The following TMEM187 variants were observed in gnomAD, a reference collection of about 807,000 sequenced individuals.
TMEM187 encodes the protein chromosome X open reading frame 12.
A neutral mutation model predicts 11.8 loss-of-function variants in TMEM187; 14 were observed. That is an observed-to-expected ratio of 1.18 (90% CI 0.78 to 1.85). The LOEUF (loss-of-function observed/expected upper bound fraction) is 1.85, where lower values mean the gene tolerates loss of function less well. Ranked by LOEUF, TMEM187 falls within the 40% of genes most tolerant of loss-of-function variation. The probability of loss-of-function intolerance (pLI) is 0.00; values close to 1 mark genes in which losing one functional copy is unlikely to be tolerated. For missense variants in TMEM187, 227 were observed against 243.9 expected (o/e 0.93, Z 0.46); for synonymous variants, 112 against 118.5 (o/e 0.95, Z 0.36).
intron 1 of TMEM187, among the ~76,000 whole-genome samples, chrX:153,978,569 CTT>C (rs781940360): frequency 0.011 from 432 of 38,929 alleles, 4 homozygotes; most frequent in African/African-American, 0.053. Context: ...CGCCTGGCCA[CTT>C]TTTTTTTTTT....
intron 1 of TMEM187, among the ~76,000 whole-genome samples, chrX:153,976,595 C>G (rs1557121496): frequency 9.0e-6 from 1 of 110,634 alleles, no homozygotes; most frequent in Non-Finnish European, 1.9e-5. Flanking sequence ...GGTGCAGTAA[C>G]TCACGCCTGT....
chrX:153,982,717 C>T lies in TMEM187; in HGVS notation c.655C>T (p.Leu219Phe). The change falls in exon 2 of 2, where the codon CTC becomes TTC. Residue 219 changes from leucine to phenylalanine, a missense_variant. Transcript: ENST00000369982. ...TGACCATCAGCTCGCACGGTGGCGTCTCTTCCAGTGCCTCACAGGCCACTT... is the reference window on the plus strand; with the variant it reads ...TGACCATCAGCTCGCACGGTGGCGTTTCTTCCAGTGCCTCACAGGCCACTT... ...LCDHQLARWR[L>F]FQCLTGHFWS... The T allele has an allele frequency of 8.2e-7, 1 of 1,212,449 alleles. No individual in the cohort carries two copies. Among genetic ancestry groups the T allele is most frequent in the East Asian group, 2.9e-5 (1 of 33,900 alleles).
rs1557122851 is a variant in TMEM187 at position 153,982,770 on chromosome X, G to T, written c.708G>T (p.Gln236His). ...HFWSKVCDVL[Q>H]FHFAFLFLTH... is the part of the protein sequence containing the mutation. ...GGTCCAAGGTCTGTGACGTGCTCCA[G>T]TTCCACTTTGCGTTTTTGTTTCTGA... The change falls in exon 2 of 2, where the codon CAG (glutamine) becomes CAT (histidine). Residue 236 changes from glutamine to histidine, a missense_variant. Transcript: ENST00000369982. 5.0e-6 allele frequency: 6 copies of T among 1,210,967 alleles called. No homozygotes were observed. The highest frequency in any genetic ancestry group is 2.3e-4 in the Middle Eastern group (1 of 4,377).
chrX:153,983,163 A>T lies in TMEM187; in HGVS notation c.*315A>T. On this transcript the variant is annotated 3_prime_UTR_variant, in exon 2 of 2. Coordinates refer to ENST00000369982, the MANE Select transcript of TMEM187 (RefSeq NM_003492.3). ...GGCAAGGGGAGTGGAAATGACACCA[A>T]GAAGCCCCTCATGCTCATGGTTGGA... The T allele has an allele frequency of 2.8e-6, 1 of 355,575 alleles. No homozygotes were observed. 29.3% of individuals were successfully genotyped at this position (355,575 alleles called of 1,213,427 possible). A position where few individuals can be genotyped will look rare whatever the true frequency, so the allele number is the denominator to read the frequency against.
Position 153,982,562 on chromosome X carries a change from T to G in TMEM187, c.500T>G (p.Leu167Arg). The G allele has an allele frequency of 8.3e-7, 1 of 1,210,221 alleles. No individual in the cohort carries two copies. Among genetic ancestry groups the G allele is most frequent in the Non-Finnish European group, 1.1e-6 (1 of 895,555 alleles). ...LLHPQGFEVALGAHVVAAVGQ... is the reference protein window; with the variant it reads ...LLHPQGFEVARGAHVVAAVGQ... ...CATCCCCAGGGCTTCGAGGTCGCAC[T>G]GGGTGCTCACGTGGTGGCCGCTGTG... Residue 167 changes from leucine to arginine, a missense_variant, in exon 2 of 2, where the codon CTG (leucine) becomes CGG (arginine). Coordinates refer to ENST00000369982, the MANE Select transcript of TMEM187 (RefSeq NM_003492.3).
intron 1 of TMEM187, among the ~76,000 whole-genome samples, chrX:153,974,180 G>A (rs1228912897): frequency 8.9e-6 from 1 of 112,292 alleles, no homozygotes; most frequent in Non-Finnish European, 1.9e-5. Context: ...CTGAACCCCT[G>A]CAGCCGGAAA....
intron 1 of TMEM187, 79 bp downstream of exon 1, chrX:153,972,939 CGCG>C (rs782390507): frequency 3.5e-4 from 41 of 117,087 alleles, no homozygotes; most frequent in Non-Finnish European, 6.0e-4. Context: ...GCCGCCCGGG[CGCG>C]GCGGCGGCGG....
chrX:153,978,596 G>C (rs1165512771), intron 1 of TMEM187, among the ~76,000 whole-genome samples: 4 of 72,340 alleles, frequency 5.5e-5, no homozygotes, highest in East Asian at 4.0e-4. Flanking sequence ...TTTTTTTTTG[G>C]GGGGGAGAGG....
chrX:153,974,581 A>G (rs1169436366), intron 1 of TMEM187, among the ~76,000 whole-genome samples: 9 of 112,471 alleles, frequency 8.0e-5, no homozygotes, highest in Admixed American at 1.9e-4. Flanking sequence ...CTGGTCATGG[A>G]AGGGTGGAAA....
chrX:153,981,057 C>G (rs12860502), intron 1 of TMEM187: 1 of 110,132 alleles, frequency 9.1e-6, no homozygotes, highest in South Asian at 4.0e-4. Flanking sequence ...TTCTCTCTCC[C>G]TGAGCCCGCC....
chrX:153,973,706 C>T (rs1005378555), intron 1 of TMEM187, among the ~76,000 whole-genome samples: 1 of 112,317 alleles, frequency 8.9e-6, no homozygotes, highest in Non-Finnish European at 1.9e-5. Flanking sequence ...CACACACACA[C>T]ACACAAAAGC....
chrX:153,981,594 C>T (rs782026751), intron 1 of TMEM187, among the ~76,000 whole-genome samples: 2 of 112,296 alleles, frequency 1.8e-5, no homozygotes, highest in African/African-American at 3.2e-5. Flanking sequence ...GTTGTAATGA[C>T]AGAGCTAGAC....
intron 1 of TMEM187, among the ~76,000 whole-genome samples, chrX:153,978,516 C>T (rs1335682324): frequency 9.4e-6 from 1 of 106,764 alleles, no homozygotes; most frequent in African/African-American, 3.4e-5. Flanking sequence ...GATCCACCCA[C>T]CTCAGCCACC....
chrX:153,982,054 C>G lies in TMEM187; in HGVS notation c.-9C>G. On this transcript the variant is annotated 5_prime_UTR_variant, in exon 2 of 2. Coordinates refer to ENST00000369982, the MANE Select transcript of TMEM187 (RefSeq NM_003492.3). Reference sequence around the variant, plus strand: ...AGCTCCCTGCCCCAGGTCACGCCGCCGGTTCCAGATGAATCCAGAGTGGGG... The same window carrying G: ...AGCTCCCTGCCCCAGGTCACGCCGCGGGTTCCAGATGAATCCAGAGTGGGG... 8.2e-7 allele frequency: 1 copy of G among 1,212,472 alleles called. No individual in the cohort carries two copies. The highest frequency in any genetic ancestry group is 1.1e-6 in the Non-Finnish European group (1 of 895,684).
chrX:153,974,360 G>A (rs2065569941), intron 1 of TMEM187, among the ~76,000 whole-genome samples: 1 of 112,376 alleles, frequency 8.9e-6, no homozygotes, highest in Admixed American at 9.4e-5. Flanking sequence ...ACGCCATGCG[G>A]GGCCTCAGCT....
chrX:153,980,018 T>C (rs1557122102), intron 1 of TMEM187, among the ~76,000 whole-genome samples: 1 of 109,471 alleles, frequency 9.1e-6, no homozygotes, highest in African/African-American at 3.3e-5. Context: ...ATTACAGGCA[T>C]GAGCCACCAT....
At chrX:153,979,450 A>C (rs1418584173) in intron 1 of TMEM187, among the ~76,000 whole-genome samples, 1 of 108,437 alleles carries the variant, frequency 9.2e-6, no homozygotes, top group African/African-American at 3.4e-5. Context: ...AAACTCCTGG[A>C]CTCAAGCAGT....
chrX:153,980,792 G>A (rs1367022819), intron 1 of TMEM187, among the ~76,000 whole-genome samples: 2 of 108,672 alleles, frequency 1.8e-5, no homozygotes, highest in African/African-American at 3.4e-5. Context: ...GGTGGTACAC[G>A]CCTCTAATCA....
At chrX:153,980,873 T>C (rs782013384) in intron 1 of TMEM187, among the ~76,000 whole-genome samples, 1 of 106,139 alleles carries the variant, frequency 9.4e-6, no homozygotes, top group South Asian at 4.3e-4. Context: ...GAGCCAAGAT[T>C]GTGCCACTGC....
Sources: allele counts gnomAD v4.1 joint callset (sites outside exome capture counted in the v4.1 genomes callset), GRCh38; gene constraint gnomAD v4.1.1; transcripts MANE v1.5; gene names NCBI Gene and HGNC (gene_info 2026-07-23, HGNC 2026-07-21).